EPHA3: variants seen among roughly 807,000 people sequenced by gnomAD.
EPHA3 encodes the protein ephrin type-A receptor 3.
EPHA3 carries 42 observed loss-of-function variants against 107.1 expected under a neutral mutation model. That is an observed-to-expected ratio of 0.39 (90% CI 0.31 to 0.51). The LOEUF (loss-of-function observed/expected upper bound fraction) is 0.51. Among genes scored for constraint, EPHA3 ranks in the 20% least tolerant of loss-of-function variants. EPHA3 has a pLI of 0.78. For missense variants in EPHA3, 1,183 were observed against 1,211.2 expected, an observed-to-expected ratio of 0.98 and a Z score of 0.35; for synonymous variants, 461 against 424.8, an observed-to-expected ratio of 1.09 and a Z score of -1.05.
At chr3:89,207,655 G>T (rs1438887087) in intron 2 of EPHA3, among the ~76,000 whole-genome samples, 2 of 152,036 alleles carry the variant, frequency 1.3e-5, no homozygotes, top group Non-Finnish European at 2.9e-5. Context: ...TATTGTTCTT[G>T]ATGAAAATTA....
chr3:89,262,107 G>C (rs984116408), intron 3 of EPHA3, among the ~76,000 whole-genome samples: 1 of 151,840 alleles, frequency 6.6e-6, no homozygotes, highest in African/African-American at 2.4e-5. Flanking sequence ...CTATCAAAAG[G>C]AACTCTCGTA....
At chr3:89,381,240 G>A (rs1708500022) in intron 5 of EPHA3, among the ~76,000 whole-genome samples, 3 of 152,066 alleles carry the variant, frequency 2.0e-5, no homozygotes, top group Admixed American at 2.0e-4. Flanking sequence ...CCAGAGTGCT[G>A]GGATTACAGG....
intron 3 of EPHA3, among the ~76,000 whole-genome samples, chr3:89,232,359 A>G (rs1576250815): frequency 6.6e-6 from 1 of 152,046 alleles, no homozygotes; most frequent in African/African-American, 2.4e-5. Context: ...AGGCTGGCGG[A>G]GGCGGGAGCA....
At chr3:89,142,889 T>C (rs1559750399) in intron 2 of EPHA3, among the ~76,000 whole-genome samples, 1 of 151,362 alleles carries the variant, frequency 6.6e-6, no homozygotes, top group Non-Finnish European at 1.5e-5. Context: ...TCCGGCACAA[T>C]GCTAAATGAA....
At chr3:89,221,146 G>A (rs1287167712) in intron 3 of EPHA3, among the ~76,000 whole-genome samples, 2 of 151,796 alleles carry the variant, frequency 1.3e-5, no homozygotes, top group Non-Finnish European at 2.9e-5. Context: ...GGTACCTGAA[G>A]CTCATCAGCC....
Position 89,479,537 on chromosome 3 carries a change from T to C in EPHA3, c.*35T>C. On this transcript the variant is annotated 3_prime_UTR_variant, in exon 17 of 17. Coordinates refer to ENST00000336596, the MANE Select transcript of EPHA3 (RefSeq NM_005233.6). ...CGGAAGTGCTTCTGGACGGAAGTGG[T>C]GGCTGTGGAAGGCGTAGCATCATCC... 1 of 1,546,500 alleles carries C rather than the reference T, an allele frequency of 6.5e-7. No homozygotes were observed. Among genetic ancestry groups the C allele is most frequent in the Non-Finnish European group, 8.9e-7 (1 of 1,119,198 alleles).
chr3:89,409,041 G>A (rs936969445), intron 9 of EPHA3, among the ~76,000 whole-genome samples: 2 of 152,022 alleles, frequency 1.3e-5, no homozygotes, highest in East Asian at 1.9e-4. Flanking sequence ...TTGACTACCT[G>A]TTGCTAACCT....
chr3:89,358,106 A>G (rs9842599), intron 5 of EPHA3, among the ~76,000 whole-genome samples: 42,572 of 150,784 alleles, frequency 0.28, 7,249 homozygotes, highest in African/African-American at 0.33. Context: ...AGTTATAGAA[A>G]GTATATGGAG....
At chr3:89,452,215 A>G (rs1317129097) in intron 15 of EPHA3, among the ~76,000 whole-genome samples, 3 of 152,134 alleles carry the variant, frequency 2.0e-5, no homozygotes, top group African/African-American at 7.2e-5. Context: ...TCCTTTGGCT[A>G]TATACCCAGA....
At chr3:89,291,955 C>T (rs942197981) in intron 3 of EPHA3, among the ~76,000 whole-genome samples, 1 of 152,104 alleles carries the variant, frequency 6.6e-6, no homozygotes, top group Non-Finnish European at 1.5e-5. Flanking sequence ...CATTACCTGG[C>T]AATTAAATTA....
At chr3:89,322,545 T>C (rs1559646815) in intron 3 of EPHA3, among the ~76,000 whole-genome samples, 1 of 152,106 alleles carries the variant, frequency 6.6e-6, no homozygotes, top group Non-Finnish European at 1.5e-5. Flanking sequence ...AAATGAAGGC[T>C]CCTTCCAAAA....
At position 89,107,649 on chromosome 3, in the gene EPHA3, C is replaced by T. The variant is rs1421543383; in HGVS notation, c.-100C>T. On this transcript the variant is annotated 5_prime_UTR_variant, in exon 1 of 17. Coordinates refer to ENST00000336596, the MANE Select transcript of EPHA3 (RefSeq NM_005233.6). ...GTCAAACTTGACATCAGCCTGCGAG[C>T]GGAGCATGGTAACTTCTCCAGCAAT... 3 of 1,092,312 alleles carry T rather than the reference C, an allele frequency of 2.7e-6. No homozygotes were observed. The highest frequency in any genetic ancestry group is 1.6e-5 in the African/African-American group (1 of 64,046). The allele number at this position is 1,092,312 out of a possible 1,614,324, so 67.7% of individuals were successfully genotyped here.
chr3:89,240,422 C>A (rs1559614932), intron 3 of EPHA3, among the ~76,000 whole-genome samples: 1 of 151,870 alleles, frequency 6.6e-6, no homozygotes, highest in Non-Finnish European at 1.5e-5. Context: ...GCCTAAAATG[C>A]AATACATTTG....
intron 5 of EPHA3, among the ~76,000 whole-genome samples, chr3:89,386,562 G>T (rs143442035): frequency 6.6e-6 from 1 of 152,310 alleles, no homozygotes; most frequent in Non-Finnish European, 1.5e-5. Context: ...TTGCTGCAGG[G>T]GCAGAGCCCT....
chr3:89,250,946 G>T (rs1336478272), intron 3 of EPHA3, among the ~76,000 whole-genome samples: 1 of 152,150 alleles, frequency 6.6e-6, no homozygotes. Flanking sequence ...AGTAAGCTCT[G>T]CAGCCCTTCT....
intron 7 of EPHA3, among the ~76,000 whole-genome samples, chr3:89,406,135 T>C (rs575342184): frequency 6.6e-6 from 1 of 152,254 alleles, no homozygotes; most frequent in Non-Finnish European, 1.5e-5. Context: ...AACTAGGATA[T>C]TTAAGAGTGT....
At chr3:89,265,560 A>C (rs1026268928) in intron 3 of EPHA3, among the ~76,000 whole-genome samples, 2 of 152,176 alleles carry the variant, frequency 1.3e-5, no homozygotes, top group African/African-American at 4.8e-5. Context: ...AAATTAATTT[A>C]TATTCTCATT....
rs545849106 is a variant in EPHA3 at position 89,151,129 on chromosome 3, A to T, written c.153+23856A>T. 2.6e-5 allele frequency among the ~76,000 whole-genome samples: 4 copies of T among 152,224 alleles called. No individual in the cohort carries two copies. The South Asian group carries it at 8.3e-4, about 32-fold the overall frequency. ...TATACAGGAAAAGGAACAACTGATG[A>T]TGCATAAAAGCAGCAGAGGTATATC... On this transcript the variant is annotated intron_variant, in intron 2 of 16. Transcript: ENST00000336596.
At chr3:89,332,000 A>G (rs548603128) in intron 3 of EPHA3, among the ~76,000 whole-genome samples, 3 of 152,282 alleles carry the variant, frequency 2.0e-5, no homozygotes, top group Non-Finnish European at 4.4e-5. Context: ...TATCCTGAGT[A>G]TAGAGTTGAG....
Sources: gnomAD v4.1 joint callset for allele counts (sites outside exome capture counted in the v4.1 genomes callset) on GRCh38, gnomAD v4.1.1 for gene constraint, MANE v1.5 for transcripts, NCBI Gene and HGNC (gene_info 2026-07-23, HGNC 2026-07-21) for gene names.